The following SCYL2 variants were observed in gnomAD, a reference collection of about 807,000 sequenced individuals.
The protein encoded by SCYL2 is SCY1 like pseudokinase 2, also known as SCY1-like protein 2.
SCYL2 carries 36 observed loss-of-function variants against 100.4 expected under a neutral mutation model. That is an observed-to-expected ratio of 0.36 (90% CI 0.27 to 0.47). SCYL2 has a LOEUF of 0.47. Among genes scored for constraint, SCYL2 ranks in the 20% least tolerant of loss-of-function variants. The pLI, the probability that SCYL2 is intolerant of heterozygous loss-of-function variation, is 1.00. For synonymous variants in SCYL2, 330 were observed against 359.2 expected, an observed-to-expected ratio of 0.92 and a Z score of 0.92; for missense variants, 902 against 1,083.9, an observed-to-expected ratio of 0.83 and a Z score of 2.36.
At chr12:100,301,128 G>T (rs1326647701) in intron 4 of SCYL2, among the ~76,000 whole-genome samples, 1 of 152,080 alleles carries the variant, frequency 6.6e-6, no homozygotes, top group Non-Finnish European at 1.5e-5. Flanking sequence ...AGTGTACGAG[G>T]GTTCTATATT....
At chr12:100,286,811 A>G (rs2096304957) in intron 2 of SCYL2, among the ~76,000 whole-genome samples, 1 of 151,746 alleles carries the variant, frequency 6.6e-6, no homozygotes, top group South Asian at 2.1e-4. Flanking sequence ...TAGAATAATT[A>G]ATAGTTTTAA....
chr12:100,337,764 T>C (rs1952298111), intron 17 of SCYL2, among the ~76,000 whole-genome samples: 1 of 152,212 alleles, frequency 6.6e-6, no homozygotes, highest in African/African-American at 2.4e-5. Context: ...AGATTAGGAC[T>C]CATAGTACTC....
intron 6 of SCYL2, 38 bp downstream of exon 6, chr12:100,312,691 T>G (rs761301549): frequency 1.1e-5 from 16 of 1,442,320 alleles, no homozygotes; most frequent in South Asian, 2.5e-5. Flanking sequence ...ATTAAAAAAT[T>G]TATTAAATGT....
intron 2 of SCYL2, among the ~76,000 whole-genome samples, chr12:100,285,117 G>A (rs1592933204): frequency 6.6e-6 from 1 of 152,086 alleles, no homozygotes; most frequent in Non-Finnish European, 1.5e-5. Flanking sequence ...CTTGATAAAT[G>A]TTCACAGTGA....
intron 4 of SCYL2, among the ~76,000 whole-genome samples, chr12:100,307,256 A>G (rs2096335733): frequency 1.3e-5 from 2 of 152,222 alleles, no homozygotes; most frequent in African/African-American, 2.4e-5. Flanking sequence ...CTGTAAGGCT[A>G]CAGTAACCAA....
chr12:100,294,519 C>T (rs972472060), intron 3 of SCYL2, among the ~76,000 whole-genome samples: 3 of 73,244 alleles, frequency 4.1e-5, no homozygotes, highest in African/African-American at 1.3e-4. Flanking sequence ...GCTGACTCCC[C>T]CAGGCTGACT....
chr12:100,288,258 T>C (rs190115602), intron 2 of SCYL2, among the ~76,000 whole-genome samples: 39 of 152,354 alleles, frequency 2.6e-4, no homozygotes, highest in Admixed American at 7.8e-4. Flanking sequence ...TTAGGACTTA[T>C]CTTTGATAAG....
intron 3 of SCYL2, among the ~76,000 whole-genome samples, chr12:100,296,253 A>G (rs1025364299): frequency 1.3e-5 from 2 of 152,332 alleles, no homozygotes; most frequent in African/African-American, 2.4e-5. Context: ...GAAAAAGATA[A>G]CTTCCAGTTT....
chr12:100,320,280 C>T (rs1479130507), intron 10 of SCYL2, among the ~76,000 whole-genome samples: 1 of 152,098 alleles, frequency 6.6e-6, no homozygotes, highest in Admixed American at 6.6e-5. Context: ...TGCGGTGGCT[C>T]ATGCCTGTAA....
intron 10 of SCYL2, among the ~76,000 whole-genome samples, chr12:100,322,117 A>T (rs1365951566): frequency 6.6e-6 from 1 of 151,246 alleles, no homozygotes; most frequent in Non-Finnish European, 1.5e-5. Flanking sequence ...TCACGCCTGT[A>T]ATCCCAGCAC....
Position 100,304,202 on chromosome 12 carries a change from G to A in SCYL2, c.480+6027G>A, listed in dbSNP as rs556012555. Among the ~76,000 whole-genome samples the A allele has an allele frequency of 1.2e-3, 179 of 152,240 alleles. 1 individual carries two copies. Among genetic ancestry groups the A allele is most frequent in the Admixed American group, 2.0e-3 (30 of 15,302 alleles). ...TCTTAGCTGGCTGGGCTCCTTGGGG[G>A]TGGGATCTGCTGAGCAAGACCACTT... On this transcript the variant is annotated intron_variant, in intron 4 of 17. Transcript: ENST00000360820.
intron 2 of SCYL2, among the ~76,000 whole-genome samples, chr12:100,283,584 C>T (rs1470275782): frequency 1.3e-5 from 2 of 152,122 alleles, no homozygotes; most frequent in Non-Finnish European, 2.9e-5. Flanking sequence ...GGGATTACAG[C>T]GTGAGCCACC....
At chr12:100,272,578 T>C (rs577896541) in intron 1 of SCYL2, among the ~76,000 whole-genome samples, 2 of 152,290 alleles carry the variant, frequency 1.3e-5, no homozygotes, top group South Asian at 2.1e-4. Context: ...CTATTAGATA[T>C]CTCCATCTGA....
intron 13 of SCYL2, among the ~76,000 whole-genome samples, chr12:100,330,367 T>A (rs1952193955): frequency 6.6e-6 from 1 of 152,190 alleles, no homozygotes; most frequent in Admixed American, 6.5e-5. Flanking sequence ...TCTATCGCTG[T>A]TTGTCACAGC....
intron 1 of SCYL2, among the ~76,000 whole-genome samples, chr12:100,274,191 G>C (rs1056697995): frequency 3.3e-5 from 5 of 152,200 alleles, no homozygotes; most frequent in Middle Eastern, 3.2e-3. Flanking sequence ...TTCGTTAATA[G>C]AGAAAACAGG....
intron 11 of SCYL2, among the ~76,000 whole-genome samples, chr12:100,325,190 C>T (rs1398563211): frequency 2.0e-5 from 3 of 152,184 alleles, no homozygotes; most frequent in African/African-American, 2.4e-5. Context: ...AGCAAGCCCC[C>T]GCCGCTCCCC....
chr12:100,271,281 A>AAAAAAGAG (rs869276181), intron 1 of SCYL2, among the ~76,000 whole-genome samples: 3 of 128,906 alleles, frequency 2.3e-5, no homozygotes, highest in African/African-American at 8.3e-5. Flanking sequence ...AAAAAAAAAA[A>AAAAAAGAG]AGAGAGAGAG....
At chr12:100,311,897 G>A (rs1164229901) in intron 5 of SCYL2, among the ~76,000 whole-genome samples, 1 of 152,168 alleles carries the variant, frequency 6.6e-6, no homozygotes, top group African/African-American at 2.4e-5. Flanking sequence ...CTTATATGTA[G>A]TCGTTAGAGG....
At position 100,325,287 on chromosome 12, in the gene SCYL2, G is replaced by A. The variant is rs1050807220; in HGVS notation, c.1510-1335G>A. On this transcript the variant is annotated intron_variant, in intron 11 of 17. Transcript: ENST00000360820. ...AGCATATGTAGGGGTATGTAGAAATGGGAAACATGGATACTTAAATGATGT... is the reference window on the plus strand; with the variant it reads ...AGCATATGTAGGGGTATGTAGAAATAGGAAACATGGATACTTAAATGATGT... Among the ~76,000 whole-genome samples the A allele has an allele frequency of 3.9e-5, 6 of 152,190 alleles. No homozygotes were observed. The East Asian group carries it at 1.2e-3, about 29-fold the overall frequency.
Sources: allele counts gnomAD v4.1 joint callset (sites outside exome capture counted in the v4.1 genomes callset), GRCh38; gene constraint gnomAD v4.1.1; transcripts MANE v1.5; gene names NCBI Gene and HGNC (gene_info 2026-07-23, HGNC 2026-07-21).